PCYT1B: variants seen among roughly 807,000 people sequenced by gnomAD.
PCYT1B encodes phosphate cytidylyltransferase 1B, choline.
Under a neutral mutation model 26.4 loss-of-function variants are expected in PCYT1B, and 10 were observed. That is an observed-to-expected ratio of 0.38 (90% CI 0.23 to 0.64). The LOEUF (loss-of-function observed/expected upper bound fraction) is 0.64, where lower values mean the gene tolerates loss of function less well. Among genes scored for constraint, PCYT1B ranks in the 30% least tolerant of loss-of-function variants. The pLI is 0.56. For missense variants in PCYT1B, 161 were observed against 292.7 expected (o/e 0.55, Z 3.28); for synonymous variants, 131 against 108.4 (o/e 1.21, Z -1.29).
intron 3 of PCYT1B, 28 bp from the exon 4 acceptor site, chrX:24,590,202 A>G (rs1241459926): frequency 1.7e-6 from 2 of 1,192,059 alleles, no homozygotes; most frequent in South Asian, 1.8e-5. Context: ...ATTAAATGCC[A>G]TTACTCGGCC....
At chrX:24,612,597 A>T (rs1253980867) in intron 2 of PCYT1B, among the ~76,000 whole-genome samples, 1 of 112,477 alleles carries the variant, frequency 8.9e-6, no homozygotes, top group Non-Finnish European at 1.9e-5. Context: ...ATAACACTTC[A>T]TACACACTAG....
intron 6 of PCYT1B, among the ~76,000 whole-genome samples, 170 bp from the exon 7 acceptor site, chrX:24,575,488 C>G (rs745786833): frequency 5.3e-5 from 6 of 112,564 alleles, no homozygotes; most frequent in Admixed American, 9.4e-5. Context: ...AGGCACATCT[C>G]TTGTAAGAAA....
intron 5 of PCYT1B, among the ~76,000 whole-genome samples, chrX:24,584,955 T>C (rs1362501470): frequency 2.7e-5 from 3 of 111,865 alleles, no homozygotes; most frequent in African/African-American, 9.7e-5. Context: ...CCCAGAAGTG[T>C]CTTTTGAACT....
At chrX:24,671,711 G>A (rs184075132) in intron 1 of PCYT1B, among the ~76,000 whole-genome samples, 4 of 111,299 alleles carry the variant, frequency 3.6e-5, no homozygotes, top group Admixed American at 9.6e-5. Context: ...CCTCTGCCTC[G>A]TTGTTGGGAA....
chrX:24,575,774 A>G (rs1468912530), intron 6 of PCYT1B, among the ~76,000 whole-genome samples: 4 of 112,510 alleles, frequency 3.6e-5, no homozygotes, highest in African/African-American at 1.3e-4. Flanking sequence ...ATTGCTTGAA[A>G]TAAGTGGGCC....
At chrX:24,662,396 G>A (rs749241672) in intron 1 of PCYT1B, among the ~76,000 whole-genome samples, 17 of 111,194 alleles carry the variant, frequency 1.5e-4, no homozygotes, top group Non-Finnish European at 3.2e-4. Flanking sequence ...GACATCTAGT[G>A]GGTGAAGGCC....
intron 1 of PCYT1B, among the ~76,000 whole-genome samples, chrX:24,638,731 T>C (rs1037324375): frequency 4.5e-5 from 5 of 112,001 alleles, no homozygotes; most frequent in Non-Finnish European, 5.6e-5. Flanking sequence ...GACCCATTGC[T>C]GGACTTTAAC....
chrX:24,664,425 T>C (rs770633684), intron 1 of PCYT1B, among the ~76,000 whole-genome samples: 1 of 112,202 alleles, frequency 8.9e-6, no homozygotes, highest in East Asian at 2.8e-4. Context: ...AAAATCCAAG[T>C]AGTGTTCTGA....
chrX:24,637,031 T>C (rs1926293581), intron 1 of PCYT1B, among the ~76,000 whole-genome samples: 1 of 111,471 alleles, frequency 9.0e-6, no homozygotes, highest in Non-Finnish European at 1.9e-5. Flanking sequence ...TACTAGTTTT[T>C]TTGGTGGCCA....
intron 3 of PCYT1B, among the ~76,000 whole-genome samples, chrX:24,604,038 T>C (rs1488535949): frequency 9.0e-6 from 1 of 110,907 alleles, no homozygotes; most frequent in African/African-American, 3.3e-5. Flanking sequence ...TTAACAGACT[T>C]GGGATCAAAT....
intron 1 of PCYT1B, among the ~76,000 whole-genome samples, chrX:24,655,874 G>C (rs954048433): frequency 2.8e-5 from 3 of 107,193 alleles, no homozygotes; most frequent in African/African-American, 6.8e-5. Context: ...AAGGCCATTA[G>C]GGGGAGGCCA....
rs1396766818 is a variant in PCYT1B at position 24,559,427 on chromosome X, A to AAAG, written c.*2865_*2866insCTT. 6.9e-5 allele frequency: 3 copies of AAAG among 43,676 alleles called. No individual in the cohort carries two copies. Among genetic ancestry groups the AAAG allele is most frequent in the Non-Finnish European group, 1.6e-4 (3 of 18,501 alleles). The allele number at this position is 43,676 out of a possible 1,213,427, so 3.6% of individuals were successfully genotyped here. A position where few individuals can be genotyped will look rare whatever the true frequency, so the allele number is the denominator to read the frequency against. On this transcript the variant is annotated 3_prime_UTR_variant, in exon 8 of 8. Coordinates refer to ENST00000379144, the MANE Select transcript of PCYT1B (RefSeq NM_004845.5). ...AAAAAGAGGAAAGAAAAAGAGAAAG[A>AAAG]AGAAAGAAAAAGAAAGAGAGAGAGA... is the stretch of plus-strand genomic sequence containing the variant.
chrX:24,644,386 C>T (rs1926555610), intron 1 of PCYT1B, among the ~76,000 whole-genome samples: 1 of 108,896 alleles, frequency 9.2e-6, no homozygotes, highest in African/African-American at 3.4e-5. Flanking sequence ...ATAAGTAAAT[C>T]AAAGCAGGTG....
At chrX:24,576,812 C>T (rs369654045) in intron 6 of PCYT1B, among the ~76,000 whole-genome samples, 1 of 111,052 alleles carries the variant, frequency 9.0e-6, no homozygotes, top group East Asian at 2.8e-4. Flanking sequence ...AGTTGTTCAA[C>T]CTCTCTGGGC....
rs140215138 is a variant in PCYT1B, at chrX:24,590,047, C to T, written c.462G>A (p.Thr154=). The change falls in exon 4 of 8, where the codon ACG becomes ACA. Residue 154 remains threonine (T), a synonymous_variant. Transcript: ENST00000379144. ...EVIRDAPWTL[T]PEFLEKHKID... ...CCTTGTGTTTTTCCAGAAACTCTGGCGTGAGTGTCCAGGGAGCATCTCTGA... is the reference window on the plus strand; with the variant it reads ...CCTTGTGTTTTTCCAGAAACTCTGGTGTGAGTGTCCAGGGAGCATCTCTGA... 69 of 1,201,917 alleles carry T rather than the reference C, an allele frequency of 5.7e-5. No homozygotes were observed. In the Middle Eastern group the frequency reaches 6.9e-4, roughly 12 times the overall value.
chrX:24,562,422 G>A lies in PCYT1B; in HGVS notation c.981C>T (p.Ser327=). ...KQSPVSSPTR[S]RSPSRSPSPT... ...GCGATGGGGAGCGGGAAGGGGACCG[G>A]CTCCGGGTTGGGCTGCTCACAGGGC... is the stretch of plus-strand genomic sequence containing the variant. Residue 327 remains serine (S), a synonymous_variant, in exon 8 of 8, where the codon AGC becomes AGT. Transcript: ENST00000379144. 2.5e-6 allele frequency: 3 copies of A among 1,195,630 alleles called. No individual in the cohort carries two copies. The highest frequency in any genetic ancestry group is 3.4e-6 in the Non-Finnish European group (3 of 888,518).
Position 24,575,249 on chromosome X carries a change from A to G in PCYT1B, c.778T>C (p.Ser260Pro). Residue 260 changes from serine (S) to proline (P), a missense_variant, in exon 7 of 8, where the codon TCA (serine) becomes CCA (proline). Physicochemically the swap from Ser to Pro is moderately conservative, Grantham distance 74. Coordinates refer to ENST00000379144, the MANE Select transcript of PCYT1B (RefSeq NM_004845.5). ...KEKVKNVEER[S>P]KEFVNRVEEK... ...TCCACTCTGTTCACAAATTCCTTTGATCTTTCCTCCACATTCTTGACTTTT... is the reference window on the plus strand; with the variant it reads ...TCCACTCTGTTCACAAATTCCTTTGGTCTTTCCTCCACATTCTTGACTTTT... 1 of 1,207,133 alleles carries G rather than the reference A, an allele frequency of 8.3e-7. No individual in the cohort carries two copies. Among genetic ancestry groups the G allele is most frequent in the Non-Finnish European group, 1.1e-6 (1 of 892,233 alleles).
chrX:24,593,132 GT>G (rs1924625791), intron 3 of PCYT1B, among the ~76,000 whole-genome samples: 1 of 111,374 alleles, frequency 9.0e-6, no homozygotes, highest in Middle Eastern at 4.2e-3. Flanking sequence ...TAGTTTTATT[GT>G]TGGTGTTCCC....
At position 24,562,269 on chromosome X, in the gene PCYT1B, G is replaced by A. The variant is rs770817631; in HGVS notation, c.*24C>T. The A allele has an allele frequency of 7.8e-6, 9 of 1,155,418 alleles. No individual in the cohort carries two copies. In the South Asian group the frequency reaches 1.7e-4, roughly 21 times the overall value. On this transcript the variant is annotated 3_prime_UTR_variant, in exon 8 of 8. Coordinates refer to ENST00000379144, the MANE Select transcript of PCYT1B (RefSeq NM_004845.5). ...CGCCCTCCTCCCCATCCTGCATGGTGCGGCTCTTGCCTCCCAGCAGCCTCT... is the reference window on the plus strand; with the variant it reads ...CGCCCTCCTCCCCATCCTGCATGGTACGGCTCTTGCCTCCCAGCAGCCTCT...
Sources: gnomAD v4.1 joint callset for allele counts (sites outside exome capture counted in the v4.1 genomes callset) on GRCh38, gnomAD v4.1.1 for gene constraint, MANE v1.5 for transcripts, NCBI Gene and HGNC (gene_info 2026-07-23, HGNC 2026-07-21) for gene names.